The following SGCZ variants were observed in gnomAD, a reference collection of about 807,000 sequenced individuals.
The protein encoded by SGCZ is zeta-sarcoglycan.
Under a neutral mutation model 41.3 loss-of-function variants are expected in SGCZ, and 40 were observed. The ratio of observed to expected loss-of-function variants is 0.97; its 90% CI spans 0.75 to 1.26. SGCZ has a LOEUF of 1.26. Among genes scored for constraint, SGCZ ranks in the 50% most tolerant of loss-of-function variants. SGCZ has a pLI of 0.00. For missense variants in SGCZ, 552 were observed against 369.8 expected, an observed-to-expected ratio of 1.49 and a Z score of -4.04; for synonymous variants, 206 against 137.5, an observed-to-expected ratio of 1.50 and a Z score of -3.49.
In SGCZ at chr8:14,721,925, C is replaced by A. The variant is rs923924603; in HGVS notation, c.40-166999G>T. 4.6e-5 allele frequency among the ~76,000 whole-genome samples: 7 copies of A among 152,164 alleles called. No homozygotes were observed. In the South Asian group the frequency reaches 6.2e-4, roughly 13 times the overall value. ...TGTCCTGTTCCTTGGAAATTTCAGT[C>A]ATTCTCACACCTTAGGAGTATTTTT... is the stretch of plus-strand genomic sequence containing the variant. On this transcript the variant is annotated intron_variant, in intron 1 of 7. Coordinates refer to ENST00000382080, the MANE Select transcript of SGCZ (RefSeq NM_139167.4).
chr8:14,499,160 A>C (rs1343864802), intron 2 of SGCZ, among the ~76,000 whole-genome samples: 1 of 151,986 alleles, frequency 6.6e-6, no homozygotes, highest in Non-Finnish European at 1.5e-5. Flanking sequence ...TTTGTGTGAA[A>C]AATCTAATTA....
chr8:14,186,680 G>A (rs562502770), intron 4 of SGCZ, among the ~76,000 whole-genome samples: 54 of 152,332 alleles, frequency 3.5e-4, no homozygotes, highest in African/African-American at 1.1e-3. Flanking sequence ...GAGGCAGGCT[G>A]TAAAACAGGG....
intron 2 of SGCZ, among the ~76,000 whole-genome samples, chr8:14,527,095 T>C (rs552918723): frequency 6.6e-6 from 1 of 152,258 alleles, no homozygotes; most frequent in South Asian, 2.1e-4. Context: ...GAATTTCACA[T>C]GTGACATGAA....
At chr8:15,044,076 T>C (rs1804210406) in intron 1 of SGCZ, among the ~76,000 whole-genome samples, 1 of 152,198 alleles carries the variant, frequency 6.6e-6, no homozygotes, top group Non-Finnish European at 1.5e-5. Context: ...TCCCTGTATT[T>C]GCATATTATT....
chr8:14,731,657 C>T (rs1258360598), intron 1 of SGCZ, among the ~76,000 whole-genome samples: 1 of 152,122 alleles, frequency 6.6e-6, no homozygotes, highest in Non-Finnish European at 1.5e-5. Context: ...ATGCCTCCTC[C>T]TACCTTTTCT....
At chr8:15,063,362 T>C (rs1028333160) in intron 1 of SGCZ, among the ~76,000 whole-genome samples, 1 of 152,134 alleles carries the variant, frequency 6.6e-6, no homozygotes, top group African/African-American at 2.4e-5. Flanking sequence ...GATTTTTGCA[T>C]AGCTTTTAAA....
chr8:14,100,592 AT>A (rs1801988784), intron 7 of SGCZ, among the ~76,000 whole-genome samples: 5 of 143,750 alleles, frequency 3.5e-5, no homozygotes, highest in Middle Eastern at 3.8e-3. Flanking sequence ...ATAATATATT[AT>A]ATTTTATTAA....
At chr8:14,572,732 C>T (rs1804592521) in intron 1 of SGCZ, among the ~76,000 whole-genome samples, 1 of 152,028 alleles carries the variant, frequency 6.6e-6, no homozygotes, top group Non-Finnish European at 1.5e-5. Flanking sequence ...AAAGTATCAC[C>T]AACTCTCTTT....
intron 1 of SGCZ, among the ~76,000 whole-genome samples, chr8:15,031,314 C>A (rs1803653754): frequency 6.6e-6 from 1 of 152,098 alleles, no homozygotes; most frequent in African/African-American, 2.4e-5. Context: ...ATGCCTCGCC[C>A]AGGCCTTGAG....
rs913041398 is a variant in SGCZ at position 14,366,640 on chromosome 8, A to G, written c.235-42436T>C. On this transcript the variant is annotated intron_variant, in intron 2 of 7. Transcript: ENST00000382080. The stretch of plus-strand genomic sequence containing the variant: ...TCATTTCAGCATTCACACAAACTCC[A>G]TAGTCAAAAGTCCCATCTGAGACAA... 1.9e-4 allele frequency among the ~76,000 whole-genome samples: 29 copies of G among 152,104 alleles called. 1 individual carries two copies. Among genetic ancestry groups the G allele is most frequent in the Admixed American group, 1.7e-3 (26 of 15,250 alleles).
At chr8:15,004,161 G>C (rs903897571) in intron 1 of SGCZ, among the ~76,000 whole-genome samples, 3 of 152,090 alleles carry the variant, frequency 2.0e-5, no homozygotes, top group Non-Finnish European at 2.9e-5. Context: ...TGCCAGAATG[G>C]AGCTAGATAC....
intron 4 of SGCZ, among the ~76,000 whole-genome samples, chr8:14,174,113 T>C (rs1360605017): frequency 6.6e-6 from 1 of 152,058 alleles, no homozygotes; most frequent in Non-Finnish European, 1.5e-5. Flanking sequence ...TCCAATCCAA[T>C]ACAATTTTCA....
intron 1 of SGCZ, among the ~76,000 whole-genome samples, chr8:14,821,864 G>C (rs148297636): frequency 2.0e-5 from 3 of 152,010 alleles, no homozygotes; most frequent in African/African-American, 7.2e-5. Context: ...CATACCGAAT[G>C]GGGAAAAAGT....
intron 1 of SGCZ, among the ~76,000 whole-genome samples, chr8:14,787,614 A>G (rs888289502): frequency 1.3e-5 from 2 of 152,022 alleles, no homozygotes; most frequent in Non-Finnish European, 2.9e-5. Context: ...TGGGGGACCA[A>G]AGTGGGCGGA....
chr8:14,763,047 G>A (rs1430459054), intron 1 of SGCZ, among the ~76,000 whole-genome samples: 1 of 152,064 alleles, frequency 6.6e-6, no homozygotes, highest in East Asian at 1.9e-4. Flanking sequence ...AACACAATAA[G>A]AATTAAAAAT....
chr8:14,303,152 A>G (rs1469086186), intron 3 of SGCZ, among the ~76,000 whole-genome samples: 1 of 152,232 alleles, frequency 6.6e-6, no homozygotes, highest in Non-Finnish European at 1.5e-5. Flanking sequence ...ATAAACGTAT[A>G]TTAAATTTCC....
At chr8:14,093,548 C>G (rs1445620912) in intron 7 of SGCZ, among the ~76,000 whole-genome samples, 4 of 152,030 alleles carry the variant, frequency 2.6e-5, no homozygotes, top group Admixed American at 2.6e-4. Context: ...ACTATTTCCT[C>G]AAACCGAAAT....
At chr8:14,595,258 T>C (rs897190615) in intron 1 of SGCZ, among the ~76,000 whole-genome samples, 1 of 152,176 alleles carries the variant, frequency 6.6e-6, no homozygotes, top group African/African-American at 2.4e-5. Context: ...CATTTCAAAA[T>C]AACAGTATTT....
At chr8:14,249,341 G>T (rs1268857742) in intron 3 of SGCZ, among the ~76,000 whole-genome samples, 1 of 151,748 alleles carries the variant, frequency 6.6e-6, no homozygotes, top group Admixed American at 6.6e-5. Flanking sequence ...AGGCTTTCCT[G>T]GGTCTCCAAC....
Sources: gnomAD v4.1 joint callset for allele counts (sites outside exome capture counted in the v4.1 genomes callset) on GRCh38, gnomAD v4.1.1 for gene constraint, MANE v1.5 for transcripts, NCBI Gene and HGNC (gene_info 2026-07-23, HGNC 2026-07-21) for gene names.